BRINP3: variants seen among roughly 807,000 people sequenced by gnomAD.
BRINP3 encodes the protein BMP/retinoic acid-inducible neural-specific protein 3.
Under a neutral mutation model 71.0 loss-of-function variants are expected in BRINP3, and 19 were observed. The ratio of observed to expected loss-of-function variants is 0.27; its 90% CI spans 0.19 to 0.39. The LOEUF (loss-of-function observed/expected upper bound fraction) is 0.39, where lower values mean the gene tolerates loss of function less well. Among genes scored for constraint, BRINP3 ranks in the 10% least tolerant of loss-of-function variants. BRINP3 has a pLI of 1.00. For missense variants in BRINP3, 959 were observed against 940.8 expected, an observed-to-expected ratio of 1.02 and a Z score of -0.25; for synonymous variants, 380 against 337.7, an observed-to-expected ratio of 1.13 and a Z score of -1.37.
In BRINP3 at chr1:190,452,781, C is replaced by T. The variant is rs200302131; in HGVS notation, c.236+1874G>A. Among the ~76,000 whole-genome samples the T allele has an allele frequency of 4.6e-5, 7 of 152,114 alleles. No individual in the cohort carries two copies. The East Asian group carries it at 9.6e-4, about 21-fold the overall frequency. ...CTGAGGCAGGAGAATCGCTTAAACCCAGGAGGCGGAGGTTGCAGTGTGTCA... is the reference window on the plus strand; with the variant it reads ...CTGAGGCAGGAGAATCGCTTAAACCTAGGAGGCGGAGGTTGCAGTGTGTCA... On this transcript the variant is annotated intron_variant, in intron 2 of 7. Transcript: ENST00000367462.
intron 2 of BRINP3, among the ~76,000 whole-genome samples, chr1:190,451,654 A>C (rs921670903): frequency 6.6e-6 from 1 of 152,182 alleles, no homozygotes; most frequent in Non-Finnish European, 1.5e-5. Context: ...TTAAGTCTTA[A>C]TGTAGTTTCA....
intron 2 of BRINP3, among the ~76,000 whole-genome samples, chr1:190,295,384 T>A (rs1213966711): frequency 6.6e-6 from 1 of 152,114 alleles, no homozygotes; most frequent in East Asian, 1.9e-4. Context: ...CTCTCCACAC[T>A]GCACTGCCTG....
chr1:190,440,827 A>G (rs1055949139), intron 2 of BRINP3, among the ~76,000 whole-genome samples: 12 of 152,032 alleles, frequency 7.9e-5, no homozygotes, highest in Admixed American at 3.3e-4. Context: ...TTATCAATGA[A>G]GTATGAGGAC....
At chr1:190,416,281 T>C (rs1672999004) in intron 2 of BRINP3, among the ~76,000 whole-genome samples, 1 of 152,158 alleles carries the variant, frequency 6.6e-6, no homozygotes, top group African/African-American at 2.4e-5. Flanking sequence ...ATGCACAAAT[T>C]GCTTTTTCTA....
Position 190,365,662 on chromosome 1 carries a change from TTATAATTAA to T in BRINP3, c.237-83921_237-83913del, listed in dbSNP as rs1361249318. ...AATATAATGATATAGTAAAAATATA[TTATAATTAA>T]TATAATACAATATAATACACAATAT... On this transcript the variant is annotated intron_variant, in intron 2 of 7. Coordinates refer to ENST00000367462, the MANE Select transcript of BRINP3 (RefSeq NM_199051.3). Among the ~76,000 whole-genome samples, 20 of 124,000 alleles carry T rather than the reference TTATAATTAA, an allele frequency of 1.6e-4. No homozygotes were observed. In the East Asian group the frequency reaches 4.7e-3, roughly 29 times the overall value. 81.3% of individuals were successfully genotyped at this position (124,000 alleles called of 152,430 possible).
chr1:190,200,085 T>C (rs1256152518), intron 6 of BRINP3, among the ~76,000 whole-genome samples: 3 of 152,102 alleles, frequency 2.0e-5, no homozygotes, highest in East Asian at 1.9e-4. Context: ...TTGTTTCTCA[T>C]CGATACACCA....
chr1:190,186,644 T>C (rs2102555424), intron 6 of BRINP3, among the ~76,000 whole-genome samples: 1 of 152,196 alleles, frequency 6.6e-6, no homozygotes, highest in Non-Finnish European at 1.5e-5. Flanking sequence ...ACACAAACCC[T>C]ATTTATTTCA....
At chr1:190,138,112 G>A (rs981589336) in intron 7 of BRINP3, among the ~76,000 whole-genome samples, 3 of 151,998 alleles carry the variant, frequency 2.0e-5, no homozygotes, top group Non-Finnish European at 2.9e-5. Context: ...GTACCAGCAC[G>A]CCTGGCTAAT....
At chr1:190,196,346 G>T (rs1353229637) in intron 6 of BRINP3, among the ~76,000 whole-genome samples, 1 of 152,076 alleles carries the variant, frequency 6.6e-6, no homozygotes, top group Admixed American at 6.6e-5. Context: ...CAAATTGCTT[G>T]TTCAACACCA....
At chr1:190,108,853 T>C (rs578184035) in intron 7 of BRINP3, among the ~76,000 whole-genome samples, 1 of 151,868 alleles carries the variant, frequency 6.6e-6, no homozygotes, top group Non-Finnish European at 1.5e-5. Flanking sequence ...GCAAATCAAA[T>C]AGGTGTTCAA....
At chr1:190,441,490 A>G (rs1674815603) in intron 2 of BRINP3, among the ~76,000 whole-genome samples, 1 of 152,118 alleles carries the variant, frequency 6.6e-6, no homozygotes, top group Admixed American at 6.6e-5. Flanking sequence ...AACCTGTACA[A>G]AAAGTTGAAA....
chr1:190,447,590 C>G (rs1230729582), intron 2 of BRINP3, among the ~76,000 whole-genome samples: 3 of 147,534 alleles, frequency 2.0e-5, no homozygotes, highest in Non-Finnish European at 4.5e-5. Flanking sequence ...TGCAGTCTCT[C>G]TTTCTCCCTA....
At chr1:190,210,905 G>C (rs145391195) in intron 6 of BRINP3, among the ~76,000 whole-genome samples, 1 of 152,154 alleles carries the variant, frequency 6.6e-6, no homozygotes, top group East Asian at 1.9e-4. Context: ...TACGCTTGTT[G>C]AGTCTTCCAG....
intron 3 of BRINP3, among the ~76,000 whole-genome samples, chr1:190,277,258 A>G: frequency 6.6e-6 from 1 of 150,660 alleles, no homozygotes; most frequent in East Asian, 2.0e-4. Context: ...TGTAGGAAAG[A>G]GGCTGCCCAT....
intron 6 of BRINP3, among the ~76,000 whole-genome samples, chr1:190,167,837 AT>A (rs1378786100): frequency 6.6e-6 from 1 of 152,182 alleles, no homozygotes; most frequent in African/African-American, 2.4e-5. Context: ...AAAGGGAAGG[AT>A]AATTTTCCAA....
intron 7 of BRINP3, among the ~76,000 whole-genome samples, chr1:190,130,084 C>T (rs946161914): frequency 2.0e-5 from 3 of 152,016 alleles, no homozygotes; most frequent in South Asian, 2.1e-4. Flanking sequence ...ATCAATTTGG[C>T]TTCTACAAAA....
At chr1:190,327,334 A>T (rs1666659757) in intron 2 of BRINP3, among the ~76,000 whole-genome samples, 1 of 104,408 alleles carries the variant, frequency 9.6e-6, no homozygotes, top group Non-Finnish European at 1.8e-5. Flanking sequence ...AACAAAAAAA[A>T]AAAAAAAAAA....
chr1:190,454,695 T>C lies in BRINP3; in HGVS notation c.196A>G (p.Arg66Gly). 2 of 1,614,162 alleles carry C rather than the reference T, an allele frequency of 1.2e-6. No individual in the cohort carries two copies. Among genetic ancestry groups the C allele is most frequent in the East Asian group, 2.2e-5 (1 of 44,866 alleles). Residue 66 changes from arginine (R) to glycine (G), a missense_variant, in exon 2 of 8, where the codon AGA becomes GGA. Transcript: ENST00000367462. ...CTTGTGCTAAATCCCTGCCGGCTTC[T>C]GTCCACAAAATCTGTGTATTCCTGT... ...RSQEYTDFVDRSRQGFSTRYK... is the reference protein window; with the variant it reads ...RSQEYTDFVDGSRQGFSTRYK...
chr1:190,361,036 G>A (rs72731113), intron 2 of BRINP3, among the ~76,000 whole-genome samples: 12,166 of 152,010 alleles, frequency 0.08, 523 homozygotes, highest in East Asian at 0.11. Context: ...GAGAAAATAT[G>A]TGAAACCTTT....
Sources: gnomAD v4.1 joint callset for allele counts (sites outside exome capture counted in the v4.1 genomes callset) on GRCh38, gnomAD v4.1.1 for gene constraint, MANE v1.5 for transcripts, NCBI Gene and HGNC (gene_info 2026-07-23, HGNC 2026-07-21) for gene names.